SGCZ: variants seen among roughly 807,000 people sequenced by gnomAD.
SGCZ encodes zeta-sarcoglycan.
Under a neutral mutation model 41.3 loss-of-function variants are expected in SGCZ, and 40 were observed. That is an observed-to-expected ratio of 0.97 (90% CI 0.75 to 1.26). The LOEUF (loss-of-function observed/expected upper bound fraction) is 1.26, where lower values mean the gene tolerates loss of function less well. SGCZ is among the 50% of genes most tolerant of loss of function. The pLI, the probability that SGCZ is intolerant of heterozygous loss-of-function variation, is 0.00. For missense variants in SGCZ, 552 were observed against 369.8 expected (o/e 1.49, Z -4.04); for synonymous variants, 206 against 137.5 (o/e 1.50, Z -3.49).
At chr8:14,902,693 A>C (rs1254204895) in intron 1 of SGCZ, among the ~76,000 whole-genome samples, 1 of 152,164 alleles carries the variant, frequency 6.6e-6, no homozygotes, top group African/African-American at 2.4e-5. Context: ...ATAAAGAAAG[A>C]TATAAATATC....
intron 1 of SGCZ, among the ~76,000 whole-genome samples, chr8:14,593,689 TCAAA>T (rs779617860): frequency 1.3e-5 from 2 of 152,070 alleles, no homozygotes; most frequent in African/African-American, 2.4e-5. Context: ...TTAAACAAAA[TCAAA>T]AAATAACAAA....
chr8:15,013,964 T>G (rs1031540570), intron 1 of SGCZ, among the ~76,000 whole-genome samples: 1 of 152,166 alleles, frequency 6.6e-6, no homozygotes, highest in African/African-American at 2.4e-5. Context: ...CAAGATGGGA[T>G]AAACGGAAGA....
intron 1 of SGCZ, among the ~76,000 whole-genome samples, chr8:14,970,826 C>CA (rs919845822): frequency 3.8e-4 from 58 of 151,694 alleles, no homozygotes; most frequent in African/African-American, 1.2e-3. Context: ...AATTCTCACA[C>CA]AAAAAAAAGT....
At chr8:14,470,488 T>A (rs1801184176) in intron 2 of SGCZ, among the ~76,000 whole-genome samples, 1 of 152,118 alleles carries the variant, frequency 6.6e-6, no homozygotes, top group Admixed American at 6.6e-5. Context: ...AAGTCACAAC[T>A]TAAAAAAATA....
intron 1 of SGCZ, among the ~76,000 whole-genome samples, chr8:14,975,269 G>T (rs1801427022): frequency 6.6e-6 from 1 of 152,106 alleles, no homozygotes; most frequent in South Asian, 2.1e-4. Context: ...TCGCACCACT[G>T]CACTCCAGCC....
intron 2 of SGCZ, among the ~76,000 whole-genome samples, chr8:14,486,105 T>A (rs948482766): frequency 1.3e-5 from 2 of 152,198 alleles, no homozygotes; most frequent in African/African-American, 4.8e-5. Context: ...TCAAAAAATA[T>A]GTAACTATGT....
At chr8:14,401,030 A>C (rs1279974103) in intron 2 of SGCZ, among the ~76,000 whole-genome samples, 1 of 152,298 alleles carries the variant, frequency 6.6e-6, no homozygotes, top group South Asian at 2.1e-4. Context: ...ATTCACTATA[A>C]GCAGGCCAGT....
At chr8:14,930,385 A>G (rs192363253) in intron 1 of SGCZ, among the ~76,000 whole-genome samples, 40 of 152,184 alleles carry the variant, frequency 2.6e-4, no homozygotes, top group African/African-American at 8.9e-4. Context: ...TACACTATTG[A>G]TGGGAGTGTA....
intron 2 of SGCZ, among the ~76,000 whole-genome samples, chr8:14,444,119 C>G (rs1178356139): frequency 3.3e-5 from 5 of 152,138 alleles, no homozygotes; most frequent in Admixed American, 1.3e-4. Context: ...GAGATACCAT[C>G]TCACACTAGT....
chr8:14,187,168 A>G (rs759339817), intron 4 of SGCZ, among the ~76,000 whole-genome samples: 5 of 152,206 alleles, frequency 3.3e-5, no homozygotes, highest in Admixed American at 1.3e-4. Flanking sequence ...AGACTTTAAT[A>G]AATTAATCCA....
At chr8:15,155,299 AAAAT>A (rs1799296942) in intron 1 of SGCZ, among the ~76,000 whole-genome samples, 1 of 151,946 alleles carries the variant, frequency 6.6e-6, no homozygotes, top group Non-Finnish European at 1.5e-5. Context: ...TGTCTCACAA[AAAAT>A]AAATAAATAA....
chr8:14,756,223 G>C (rs1015463021), intron 1 of SGCZ, among the ~76,000 whole-genome samples: 31 of 133,360 alleles, frequency 2.3e-4, no homozygotes, highest in African/African-American at 8.5e-4. Flanking sequence ...GTCTTGCTCT[G>C]TTTCCAGCTG....
chr8:14,653,736 A>G (rs1052179641), intron 1 of SGCZ, among the ~76,000 whole-genome samples: 3 of 152,130 alleles, frequency 2.0e-5, no homozygotes, highest in Non-Finnish European at 4.4e-5. Context: ...AACAGTTTTC[A>G]AACGCAATGC....
intron 1 of SGCZ, among the ~76,000 whole-genome samples, chr8:14,989,302 C>T (rs901130795): frequency 1.3e-5 from 2 of 152,106 alleles, no homozygotes; most frequent in Non-Finnish European, 2.9e-5. Context: ...CTGTTCTGTA[C>T]TCCCCAACAA....
At chr8:14,386,512 AT>A (rs1804584645) in intron 2 of SGCZ, among the ~76,000 whole-genome samples, 1 of 152,222 alleles carries the variant, frequency 6.6e-6, no homozygotes, top group East Asian at 1.9e-4. Context: ...AGCAGTTCAC[AT>A]TTTCTTTCTT....
rs567576608 is a variant in SGCZ at position 15,059,402 on chromosome 8, G to A, written c.39+178183C>T. Among the ~76,000 whole-genome samples, 90 of 152,204 alleles carry A rather than the reference G, an allele frequency of 5.9e-4. 1 individual carries two copies. The highest frequency in any genetic ancestry group is 1.2e-3 in the South Asian group (6 of 4,826). ...GTCATTAAAATAAGTTTACTTTTTAGTGAATAAATTTTCTAAGAATGACAA... is the reference window on the plus strand; with the variant it reads ...GTCATTAAAATAAGTTTACTTTTTAATGAATAAATTTTCTAAGAATGACAA... On this transcript the variant is annotated intron_variant, in intron 1 of 7. Transcript: ENST00000382080.
intron 1 of SGCZ, among the ~76,000 whole-genome samples, chr8:15,089,365 A>T (rs1052537416): frequency 8.5e-5 from 13 of 152,186 alleles, no homozygotes; most frequent in Non-Finnish European, 1.5e-4. Context: ...TGACTGGGAC[A>T]TGGACAACTA....
chr8:14,590,376 A>T (rs1374521492), intron 1 of SGCZ, among the ~76,000 whole-genome samples: 1 of 151,942 alleles, frequency 6.6e-6, no homozygotes, highest in Non-Finnish European at 1.5e-5. Flanking sequence ...TTTCTAAAAG[A>T]TGTAAGGTAT....
chr8:14,331,590 T>C lies in SGCZ; in HGVS notation c.235-7386A>G, dbSNP rs368503151. 4.6e-5 allele frequency among the ~76,000 whole-genome samples: 7 copies of C among 152,254 alleles called. No individual in the cohort carries two copies. In the South Asian group the frequency reaches 1.2e-3, roughly 27 times the overall value. ...GGTAACAATTGACAGACCTAGGAAT[T>C]TGACCTCTAATTCAACTTGTACGGA... On this transcript the variant is annotated intron_variant, in intron 2 of 7. Coordinates refer to ENST00000382080, the MANE Select transcript of SGCZ (RefSeq NM_139167.4).
Sources: gnomAD v4.1 joint callset for allele counts (sites outside exome capture counted in the v4.1 genomes callset) on GRCh38, gnomAD v4.1.1 for gene constraint, MANE v1.5 for transcripts, NCBI Gene and HGNC (gene_info 2026-07-23, HGNC 2026-07-21) for gene names.